The following SULF1 variants were observed in gnomAD, a reference collection of about 807,000 sequenced individuals.
The protein encoded by SULF1 is extracellular sulfatase Sulf-1.
A neutral mutation model predicts 110.5 loss-of-function variants in SULF1; 46 were observed. That is an observed-to-expected ratio of 0.42 (90% CI 0.33 to 0.53). The LOEUF (loss-of-function observed/expected upper bound fraction) is 0.53. SULF1 is among the 20% of genes least tolerant of loss of function. The pLI is 0.12. For missense variants in SULF1, 941 were observed against 1,094.2 expected (o/e 0.86, Z 1.98); for synonymous variants, 371 against 387.1 (o/e 0.96, Z 0.49).
chr8:69,629,270 G>A (rs1810338495), intron 18 of SULF1, among the ~76,000 whole-genome samples: 1 of 152,264 alleles, frequency 6.6e-6, no homozygotes, highest in South Asian at 2.1e-4. Flanking sequence ...GTGACCTCAA[G>A]TGATCCGCCC....
chr8:69,510,644 T>C (rs980247172), intron 3 of SULF1, among the ~76,000 whole-genome samples: 11 of 149,186 alleles, frequency 7.4e-5, no homozygotes, highest in African/African-American at 2.2e-4. Flanking sequence ...TGAGACAAAG[T>C]CTCACTCTGT....
At chr8:69,472,015 GAGA>G (rs1245227711) in intron 1 of SULF1, among the ~76,000 whole-genome samples, 2 of 151,866 alleles carry the variant, frequency 1.3e-5, no homozygotes, top group Admixed American at 6.6e-5. Context: ...GAGAGAGAGA[GAGA>G]AGGAGGGAGG....
At chr8:69,531,113 CT>C (rs1005820742) in intron 3 of SULF1, among the ~76,000 whole-genome samples, 3 of 152,156 alleles carry the variant, frequency 2.0e-5, no homozygotes, top group African/African-American at 7.2e-5. Flanking sequence ...AAATCCAGAT[CT>C]GCCTGAGCCT....
upstream of SULF1, among the ~76,000 whole-genome samples, chr8:69,492,268 A>C (rs776651182): frequency 1.3e-5 from 2 of 151,986 alleles, no homozygotes; most frequent in Non-Finnish European, 2.9e-5. Context: ...ACCCAGGCTC[A>C]GTGGAAAGAG....
chr8:69,637,214 G>T (rs1811126566), intron 19 of SULF1, among the ~76,000 whole-genome samples: 1 of 152,154 alleles, frequency 6.6e-6, no homozygotes, highest in Non-Finnish European at 1.5e-5. Flanking sequence ...TTCTCATGTA[G>T]CTGTAAGAGG....
chr8:69,501,261 A>G (rs575958126), intron 2 of SULF1, among the ~76,000 whole-genome samples: 3 of 152,180 alleles, frequency 2.0e-5, no homozygotes, highest in African/African-American at 4.8e-5. Flanking sequence ...TACATACAGT[A>G]TGTATATGTC....
At chr8:69,530,593 T>C (rs7836170) in intron 3 of SULF1, among the ~76,000 whole-genome samples, 59,236 of 151,978 alleles carry the variant, frequency 0.39, 12,236 homozygotes, top group East Asian at 0.65. Context: ...CTGCCTAAAA[T>C]GGGTTTTAGA....
At chr8:69,610,706 C>T (rs922066218) in intron 13 of SULF1, among the ~76,000 whole-genome samples, 2 of 152,224 alleles carry the variant, frequency 1.3e-5, no homozygotes, top group East Asian at 3.8e-4. Flanking sequence ...AAAAGACAAA[C>T]ATGAGAATAG....
intron 3 of SULF1, among the ~76,000 whole-genome samples, chr8:69,518,712 G>GAGTT (rs1416968552): frequency 4.3e-4 from 66 of 152,278 alleles, no homozygotes; most frequent in African/African-American, 1.5e-3. Context: ...TGTGATCAAT[G>GAGTT]AGTTCTTCCC....
rs1258352403 is a variant in SULF1, at chr8:69,604,887, A to G, written c.1332A>G (p.Leu444=). 6.2e-7 allele frequency: 1 copy of G among 1,614,254 alleles called. No homozygotes were observed. Among genetic ancestry groups the G allele is most frequent in the Non-Finnish European group, 8.5e-7 (1 of 1,180,050 alleles). Residue 444 remains leucine, a synonymous_variant, in exon 13 of 23, where the codon CTA becomes CTG. Transcript: ENST00000402687. ...CCAAATATGAACGGGTCAAAGAACT[A>G]TGCCAGCAGGCCAGGTACCAGACAG... ...HLPKYERVKE[L]CQQARYQTAC...
intron 2 of SULF1, among the ~76,000 whole-genome samples, chr8:69,497,565 G>A (rs1038890237): frequency 6.6e-6 from 1 of 152,218 alleles, no homozygotes; most frequent in Non-Finnish European, 1.5e-5. Flanking sequence ...ATGTGTGTAT[G>A]TGTAAAGTAT....
intron 8 of SULF1, chr8:69,597,275 C>T (rs1406295160): frequency 6.6e-6 from 1 of 152,238 alleles, no homozygotes; most frequent in Non-Finnish European, 1.5e-5. Flanking sequence ...TTTTCAACAA[C>T]ATTGTCAATT....
chr8:69,594,297 C>T (rs375346534), intron 8 of SULF1, among the ~76,000 whole-genome samples: 3 of 152,238 alleles, frequency 2.0e-5, no homozygotes, highest in East Asian at 1.9e-4. Flanking sequence ...GTGATCCGCC[C>T]GCCTCAGGCT....
chr8:69,542,960 C>A (rs1252797207), intron 3 of SULF1, among the ~76,000 whole-genome samples: 2 of 152,034 alleles, frequency 1.3e-5, no homozygotes, highest in Non-Finnish European at 2.9e-5. Context: ...GAAATGGCCC[C>A]GCTTGTGAGA....
At chr8:69,562,700 G>A (rs542735509) in intron 3 of SULF1, 3 of 153,030 alleles carry the variant, frequency 2.0e-5, no homozygotes, top group Admixed American at 6.5e-5. Context: ...CGCCCTTCTG[G>A]ATTTTATTTA....
intron 3 of SULF1, among the ~76,000 whole-genome samples, chr8:69,561,859 C>T (rs10957499): frequency 0.25 from 37,450 of 152,116 alleles, 5,097 homozygotes; most frequent in African/African-American, 0.37. Flanking sequence ...GTTTTCCTGT[C>T]CCTTCATGCC....
At chr8:69,512,475 A>G (rs1270740642) in intron 3 of SULF1, among the ~76,000 whole-genome samples, 3 of 152,200 alleles carry the variant, frequency 2.0e-5, no homozygotes, top group Non-Finnish European at 4.4e-5. Flanking sequence ...TAAAAAGACA[A>G]TGGAGAGACT....
At chr8:69,552,008 C>T (rs1814756117) in intron 3 of SULF1, among the ~76,000 whole-genome samples, 1 of 152,210 alleles carries the variant, frequency 6.6e-6, no homozygotes, top group South Asian at 2.1e-4. Context: ...AGGAGAATCA[C>T]TTGAACCCAC....
chr8:69,475,262 T>C (rs1280618931), intron 1 of SULF1, among the ~76,000 whole-genome samples: 1 of 152,048 alleles, frequency 6.6e-6, no homozygotes, highest in Non-Finnish European at 1.5e-5. Context: ...TTGGACTTGA[T>C]AGCTAAACAG....
Sources: allele counts gnomAD v4.1 joint callset (sites outside exome capture counted in the v4.1 genomes callset), GRCh38; gene constraint gnomAD v4.1.1; transcripts MANE v1.5; gene names NCBI Gene and HGNC (gene_info 2026-07-23, HGNC 2026-07-21).